Variants in NCKAP5 observed in about 807,000 individuals in gnomAD.
NCKAP5 encodes nck-associated protein 5.
Under a neutral mutation model 167.0 loss-of-function variants are expected in NCKAP5, and 92 were observed. The ratio of observed to expected loss-of-function variants is 0.55; its 90% confidence interval spans 0.47 to 0.66. The LOEUF (loss-of-function observed/expected upper bound fraction) is 0.66, where lower values mean the gene tolerates loss of function less well. NCKAP5 is among the 30% of genes least tolerant of loss of function. The pLI, the probability that NCKAP5 is intolerant of heterozygous loss-of-function variation, is 0.00. For missense variants in NCKAP5, 2,378 were observed against 2,315.0 expected (o/e 1.03, Z -0.56); for synonymous variants, 891 against 877.4 (o/e 1.02, Z -0.27).
intron 3 of NCKAP5, among the ~76,000 whole-genome samples, chr2:133,401,991 A>C (rs972895345): frequency 1.3e-5 from 2 of 152,158 alleles, no homozygotes; most frequent in African/African-American, 4.8e-5. Flanking sequence ...AGCTCAAGGG[A>C]TGAGACCATA....
At chr2:132,915,493 C>T (rs933020233) in intron 8 of NCKAP5, 1 of 152,138 alleles carries the variant, frequency 6.6e-6, no homozygotes, top group Middle Eastern at 3.1e-3. Context: ...ACAGGGGCTA[C>T]ATCCTGGGAA....
chr2:133,183,211 T>C (rs1438242510), intron 5 of NCKAP5, among the ~76,000 whole-genome samples: 1 of 152,122 alleles, frequency 6.6e-6, no homozygotes, highest in African/African-American at 2.4e-5. Flanking sequence ...ACCAATTTTA[T>C]ACAATCTCTT....
chr2:133,379,121 T>C (rs1392453160), intron 3 of NCKAP5, among the ~76,000 whole-genome samples: 1 of 152,228 alleles, frequency 6.6e-6, no homozygotes, highest in Non-Finnish European at 1.5e-5. Context: ...CAGTGCCTAA[T>C]GCAAAACAGG....
chr2:133,071,883 T>A (rs887124926), intron 6 of NCKAP5, among the ~76,000 whole-genome samples: 1 of 152,172 alleles, frequency 6.6e-6, no homozygotes, highest in African/African-American at 2.4e-5. Flanking sequence ...ACCTACCTGT[T>A]TCAGATCCCA....
chr2:132,740,012 C>A (rs1317954890), intron 16 of NCKAP5, among the ~76,000 whole-genome samples: 1 of 152,126 alleles, frequency 6.6e-6, no homozygotes, highest in African/African-American at 2.4e-5. Flanking sequence ...GCACATGGAT[C>A]CTAAAAGCTT....
intron 8 of NCKAP5, among the ~76,000 whole-genome samples, chr2:132,921,571 G>A (rs1191002401): frequency 6.6e-6 from 1 of 152,124 alleles, no homozygotes; most frequent in Non-Finnish European, 1.5e-5. Flanking sequence ...GCACAGGAGG[G>A]ATATCTAACC....
intron 6 of NCKAP5, among the ~76,000 whole-genome samples, chr2:133,018,461 T>C (rs1449802990): frequency 1.3e-5 from 2 of 152,192 alleles, no homozygotes; most frequent in Non-Finnish European, 2.9e-5. Flanking sequence ...GTTCAGACAG[T>C]CTGGGTTTAA....
At chr2:133,463,798 A>G (rs535603697) in intron 3 of NCKAP5, among the ~76,000 whole-genome samples, 14 of 152,346 alleles carry the variant, frequency 9.2e-5, no homozygotes, top group African/African-American at 3.1e-4. Flanking sequence ...CCTTGGTGGG[A>G]TATTTCCAAC....
intron 19 of NCKAP5, among the ~76,000 whole-genome samples, chr2:132,717,598 T>C (rs1335806986): frequency 6.6e-6 from 1 of 152,202 alleles, no homozygotes; most frequent in Non-Finnish European, 1.5e-5. Flanking sequence ...TCTCTAAATA[T>C]CCAAGCTGAG....
At chr2:133,100,169 C>G (rs892734981) in intron 6 of NCKAP5, among the ~76,000 whole-genome samples, 4 of 152,188 alleles carry the variant, frequency 2.6e-5, no homozygotes, top group African/African-American at 4.8e-5. Flanking sequence ...AATCTACAAG[C>G]ATTTCAAGTA....
At chr2:133,289,060 C>T (rs947059803) in intron 4 of NCKAP5, among the ~76,000 whole-genome samples, 3 of 152,204 alleles carry the variant, frequency 2.0e-5, no homozygotes, top group Admixed American at 1.3e-4. Flanking sequence ...TTAAACTCCA[C>T]ATTGCAGAAG....
intron 3 of NCKAP5, among the ~76,000 whole-genome samples, chr2:133,440,742 A>G (rs1020853422): frequency 2.0e-5 from 3 of 146,848 alleles, no homozygotes; most frequent in Non-Finnish European, 4.5e-5. Context: ...AAAAGGAAAG[A>G]TTTTAGAATA....
chr2:133,551,987 TG>T (rs1687349974), intron 2 of NCKAP5, among the ~76,000 whole-genome samples: 1 of 129,350 alleles, frequency 7.7e-6, no homozygotes, highest in Non-Finnish European at 1.6e-5. Flanking sequence ...AAAAAACACA[TG>T]AAAAAATGCT....
chr2:133,615,504 C>G, the NCKAP5 span, among the ~76,000 whole-genome samples: 910 of 152,098 alleles, frequency 6.0e-3, 13 homozygotes, highest in African/African-American at 0.021. Context: ...TGCAGTCCTA[C>G]TCTCTGATAA....
At position 133,541,436 on chromosome 2, in the gene NCKAP5, C is replaced by T. The variant is rs562533043; in HGVS notation, c.-62+17614G>A. On this transcript the variant is annotated intron_variant, in intron 2 of 19. Transcript: ENST00000409261. ...AATAAAATTAAATCAAAGATGGCTA[C>T]AATAATTTAAATACATTTTATGCAA... 3.3e-5 allele frequency among the ~76,000 whole-genome samples: 5 copies of T among 152,146 alleles called. No homozygotes were observed. The South Asian group carries it at 8.3e-4, about 25-fold the overall frequency.
chr2:133,313,202 G>T (rs114689952), intron 3 of NCKAP5, among the ~76,000 whole-genome samples: 1,941 of 152,238 alleles, frequency 0.013, 42 homozygotes, highest in African/African-American at 0.044. Context: ...TGTAGTGTGT[G>T]CTGGGGGGAA....
At chr2:133,182,316 A>C (rs946446380) in intron 5 of NCKAP5, among the ~76,000 whole-genome samples, 2 of 152,192 alleles carry the variant, frequency 1.3e-5, no homozygotes, top group African/African-American at 2.4e-5. Flanking sequence ...AAATACACTA[A>C]AGAAATTCAA....
intron 3 of NCKAP5, among the ~76,000 whole-genome samples, chr2:133,466,806 C>G (rs1559504975): frequency 1.3e-5 from 2 of 151,874 alleles, no homozygotes; most frequent in African/African-American, 4.8e-5. Flanking sequence ...ATTTGGCTCT[C>G]TGTTTGTCTG....
At chr2:132,714,694 C>G (rs34849946) in intron 19 of NCKAP5, among the ~76,000 whole-genome samples, 15,802 of 150,372 alleles carry the variant, frequency 0.11, 1,115 homozygotes, top group East Asian at 0.15. Flanking sequence ...GCGCATGCCT[C>G]TAATCCCAGC....
Sources: gnomAD v4.1 joint callset for allele counts (sites outside exome capture counted in the v4.1 genomes callset) on GRCh38, gnomAD v4.1.1 for gene constraint, MANE v1.5 for transcripts, NCBI Gene and HGNC (gene_info 2026-07-23, HGNC 2026-07-21) for gene names.